PTPRD: variants seen among roughly 807,000 people sequenced by gnomAD.
PTPRD encodes protein tyrosine phosphatase receptor type D.
Under a neutral mutation model 214.5 loss-of-function variants are expected in PTPRD, and 34 were observed. The observed-to-expected ratio is 0.16, with a 90% CI of 0.12 to 0.21. The LOEUF (loss-of-function observed/expected upper bound fraction) is 0.21. PTPRD is among the 10% of genes least tolerant of loss of function. PTPRD has a pLI of 1.00. For synonymous variants in PTPRD, 1,128 were observed against 845.7 expected, an observed-to-expected ratio of 1.33 and a Z score of -5.79; for missense variants, 2,545 against 2,398.7, an observed-to-expected ratio of 1.06 and a Z score of -1.27.
chr9:8,473,568 C>T (rs10977142), intron 30 of PTPRD, among the ~76,000 whole-genome samples: 29,499 of 152,106 alleles, frequency 0.19, 3,034 homozygotes, highest in East Asian at 0.25. Context: ...AATGATACTG[C>T]ATATTATCAG....
intron 9 of PTPRD, among the ~76,000 whole-genome samples, chr9:9,215,411 A>G (rs376992134): frequency 1.1e-4 from 17 of 152,180 alleles, no homozygotes; most frequent in African/African-American, 4.1e-4. Flanking sequence ...TACCCTGCCT[A>G]CCACACAGAA....
chr9:9,140,197 A>G (rs1312975909), intron 10 of PTPRD, among the ~76,000 whole-genome samples: 1 of 151,754 alleles, frequency 6.6e-6, no homozygotes, highest in Non-Finnish European at 1.5e-5. Flanking sequence ...CATGGAAAAA[A>G]AAAAAGAAAA....
chr9:8,570,519 G>C (rs2090802895), intron 14 of PTPRD, among the ~76,000 whole-genome samples: 1 of 152,086 alleles, frequency 6.6e-6, no homozygotes, highest in Non-Finnish European at 1.5e-5. Context: ...GTAAAGTATG[G>C]TAATAAATAC....
At chr9:9,545,836 C>G (rs1262209131) in intron 8 of PTPRD, among the ~76,000 whole-genome samples, 1 of 151,762 alleles carries the variant, frequency 6.6e-6, no homozygotes, top group Non-Finnish European at 1.5e-5. Context: ...TACAAAATAA[C>G]TTGCTGAGAT....
chr9:8,499,411 T>C (rs527794078), intron 25 of PTPRD, among the ~76,000 whole-genome samples: 1 of 152,278 alleles, frequency 6.6e-6, no homozygotes, highest in African/African-American at 2.4e-5. Flanking sequence ...TATCTGTATT[T>C]TAAGGAAAAA....
chr9:9,290,508 TC>T (rs1950817215), intron 9 of PTPRD, among the ~76,000 whole-genome samples: 1 of 151,568 alleles, frequency 6.6e-6, no homozygotes, highest in African/African-American at 2.4e-5. Flanking sequence ...AGGAGTTTTT[TC>T]CCTATTTTCT....
At chr9:8,883,263 T>C (rs2098461391) in intron 11 of PTPRD, among the ~76,000 whole-genome samples, 1 of 152,324 alleles carries the variant, frequency 6.6e-6, no homozygotes, top group African/African-American at 2.4e-5. Flanking sequence ...ACAACTATGA[T>C]AGCAACTATC....
intron 43 of PTPRD, among the ~76,000 whole-genome samples, chr9:8,336,639 A>AAAAAAAAAAAAAAC (rs1847105321): frequency 6.6e-6 from 1 of 151,428 alleles, no homozygotes. Flanking sequence ...AAAAAAAAAA[A>AAAAAAAAAAAAAAC]AAAAAAACTA....
intron 12 of PTPRD, among the ~76,000 whole-genome samples, chr9:8,650,784 C>A (rs1463192380): frequency 6.6e-6 from 1 of 151,802 alleles, no homozygotes; most frequent in Non-Finnish European, 1.5e-5. Flanking sequence ...CATTCAATAC[C>A]TTTTAAAGTA....
chr9:9,964,090 A>ACGGAGG (rs1346514703), intron 4 of PTPRD, among the ~76,000 whole-genome samples: 55 of 152,070 alleles, frequency 3.6e-4, no homozygotes, highest in East Asian at 1.4e-3. Context: ...GGAGGCAGAG[A>ACGGAGG]CAGACAAAGA....
At chr9:10,030,977 G>A (rs2097054653) in intron 4 of PTPRD, among the ~76,000 whole-genome samples, 1 of 152,190 alleles carries the variant, frequency 6.6e-6, no homozygotes, top group Admixed American at 6.5e-5. Context: ...ATACCTTTGT[G>A]AAGTGAATGA....
At chr9:10,082,270 T>G (rs905057009) in intron 3 of PTPRD, among the ~76,000 whole-genome samples, 19 of 152,114 alleles carry the variant, frequency 1.2e-4, no homozygotes, top group Admixed American at 8.5e-4. Context: ...GGTTTAGAAT[T>G]ATCTCTCATC....
intron 5 of PTPRD, among the ~76,000 whole-genome samples, chr9:9,850,565 CAAATTA>C (rs1417523386): frequency 6.6e-6 from 1 of 151,598 alleles, no homozygotes; most frequent in Non-Finnish European, 1.5e-5. Flanking sequence ...TTTAAATAGA[CAAATTA>C]AAATTGTATA....
intron 5 of PTPRD, among the ~76,000 whole-genome samples, chr9:9,838,434 T>C (rs1417132482): frequency 1.3e-5 from 2 of 152,096 alleles, no homozygotes; most frequent in African/African-American, 2.4e-5. Flanking sequence ...GCACCTGTTG[T>C]TTCCTGACTT....
chr9:10,326,209 A>C (rs2096640332), intron 3 of PTPRD, among the ~76,000 whole-genome samples: 1 of 151,752 alleles, frequency 6.6e-6, no homozygotes, highest in Admixed American at 6.6e-5. Flanking sequence ...AGACTGGGCA[A>C]TTTTTGTGTT....
At chr9:8,907,162 C>T (rs2098713542) in intron 11 of PTPRD, among the ~76,000 whole-genome samples, 1 of 151,248 alleles carries the variant, frequency 6.6e-6, no homozygotes, top group East Asian at 1.9e-4. Context: ...ACCAAATAAA[C>T]AACAAAAAAT....
intron 5 of PTPRD, among the ~76,000 whole-genome samples, chr9:9,784,877 C>G (rs959310972): frequency 6.8e-6 from 1 of 146,852 alleles, no homozygotes; most frequent in Non-Finnish European, 1.5e-5. Flanking sequence ...TACACACACA[C>G]ACGCACACAC....
intron 39 of PTPRD, among the ~76,000 whole-genome samples, chr9:8,373,033 C>G (rs528222086): frequency 6.6e-6 from 1 of 152,112 alleles, no homozygotes; most frequent in Non-Finnish European, 1.5e-5. Flanking sequence ...ACCTTCCAGA[C>G]TATTTTTTGT....
At chr9:9,319,831 G>C (rs1463351725) in intron 9 of PTPRD, among the ~76,000 whole-genome samples, 1 of 152,060 alleles carries the variant, frequency 6.6e-6, no homozygotes, top group African/African-American at 2.4e-5. Context: ...AAGTATTTTT[G>C]AATAATTTAC....
Sources: gnomAD v4.1 joint callset for allele counts (sites outside exome capture counted in the v4.1 genomes callset) on GRCh38, gnomAD v4.1.1 for gene constraint, MANE v1.5 for transcripts, NCBI Gene and HGNC (gene_info 2026-07-23, HGNC 2026-07-21) for gene names.